UNKL: variants seen among roughly 807,000 people sequenced by gnomAD.
UNKL encodes putative E3 ubiquitin-protein ligase UNKL.
A neutral mutation model predicts 78.0 loss-of-function variants in UNKL; 60 were observed. That is an observed-to-expected ratio of 0.77 (90% confidence interval 0.63 to 0.95). UNKL has a LOEUF of 0.95. UNKL is among the 40% of genes least tolerant of loss of function. The pLI is 0.00. For missense variants in UNKL, 1,159 were observed against 1,045.7 expected (o/e 1.11, Z -1.49); for synonymous variants, 608 against 474.8 (o/e 1.28, Z -3.65).
chr16:1,398,295 C>G (rs1204694903), intron 5 of UNKL: 1 of 998,960 alleles, frequency 1.0e-6, no homozygotes, highest in Non-Finnish European at 1.2e-6. Context: ...ACAAAATCCT[C>G]TACTCTTCGT....
In UNKL at chr16:1,366,303, A is replaced by G. The variant is rs774606731; in HGVS notation, c.2139T>C (p.Cys713=). The G allele has an allele frequency of 3.1e-6, 5 of 1,601,194 alleles. No individual in the cohort carries two copies. The highest frequency in any genetic ancestry group is 2.7e-5 in the African/African-American group (2 of 74,740). ...VLRPCQHHIL[C]EPCAATAPEC... ...CAGGTGCGGTGGCCGCACACGGCTC[A>G]CAGAGGATGTGGTGCTGACAGGGCC... is the stretch of plus-strand genomic sequence containing the variant. The change falls in exon 15 of 15, where the codon TGT becomes TGC. Residue 713 remains cysteine (C), a synonymous_variant. Transcript: ENST00000389221.
intron 10 of UNKL, among the ~76,000 whole-genome samples, chr16:1,372,654 G>A (rs756126904): frequency 5.9e-5 from 9 of 152,216 alleles, no homozygotes; most frequent in Non-Finnish European, 1.3e-4. Flanking sequence ...TTGGGTTGGG[G>A]GTGAGGGGTG....
In UNKL at chr16:1,367,128, C is replaced by T. The variant is rs2035338033; in HGVS notation, c.2010G>A (p.Gln670=). 1.9e-6 allele frequency: 3 copies of T among 1,592,636 alleles called. No individual in the cohort carries two copies. The highest frequency in any genetic ancestry group is 2.7e-5 in the African/African-American group (2 of 74,492). Residue 670 remains glutamine (Q), a synonymous_variant, in exon 14 of 15, where the codon CAG becomes CAA. Coordinates refer to ENST00000389221, the MANE Select transcript of UNKL (RefSeq NM_001372107.1). ...TIPLPKLHSL[Q]SQLRLDLEAV... is the part of the protein sequence containing the mutation. ...CCTCCAGGTCCAGGCGCAGCTGACT[C>T]TGCAGCGAGTGCAGCTTCGGCAGGG... is the stretch of plus-strand genomic sequence containing the variant.
chr16:1,410,191 G>C (rs1035603682), intron 2 of UNKL, among the ~76,000 whole-genome samples: 1 of 151,870 alleles, frequency 6.6e-6, no homozygotes, highest in Admixed American at 6.6e-5. Flanking sequence ...GCTTAAGTCC[G>C]GGAGGTCGAG....
In UNKL at chr16:1,367,137, G is replaced by C. The variant is rs368249862; in HGVS notation, c.2001C>G (p.His667Gln). The change falls in exon 14 of 15, where the codon CAC (histidine) becomes CAG (glutamine). Residue 667 changes from histidine to glutamine, a missense_variant. Transcript: ENST00000389221. ...CCAGGCGCAGCTGACTCTGCAGCGA[G>C]TGCAGCTTCGGCAGGGGAATGGTGC... ...DIGTIPLPKLHSLQSQLRLDL... is the reference protein window; with the variant it reads ...DIGTIPLPKLQSLQSQLRLDL... 1 of 1,597,720 alleles carries C rather than the reference G, an allele frequency of 6.3e-7. No homozygotes were observed. The highest frequency in any genetic ancestry group is 8.5e-7 in the Non-Finnish European group (1 of 1,174,848).
chr16:1,367,509 CCTCCCCCT>C, intron 13 of UNKL, 139 bp downstream of exon 13: 1 of 566,502 alleles, frequency 1.8e-6, no homozygotes, highest in Non-Finnish European at 2.7e-6. Context: ...TCCCTCCCTC[CCTCCCCCT>C]CCCGTCTCAC....
intron 2 of UNKL, chr16:1,406,131 C>CA (rs2037752327): frequency 4.5e-6 from 2 of 445,156 alleles, no homozygotes; most frequent in South Asian, 3.1e-5. Flanking sequence ...AGGACGCAGG[C>CA]ATAGGTGGGG....
rs1273771507 is a variant in UNKL, at chr16:1,365,878, C to A, written c.*362G>T. 1 of 193,552 alleles carries A rather than the reference C, an allele frequency of 5.2e-6. No individual in the cohort carries two copies. The highest frequency in any genetic ancestry group is 1.0e-5 in the Non-Finnish European group (1 of 95,636). 12.0% of individuals were successfully genotyped at this position (193,552 alleles called of 1,614,324 possible). A position where few individuals can be genotyped will look rare whatever the true frequency, so the allele number is the denominator to read the frequency against. On this transcript the variant is annotated 3_prime_UTR_variant, in exon 15 of 15. Coordinates refer to ENST00000389221, the MANE Select transcript of UNKL (RefSeq NM_001372107.1). ...CAAAGTGCTTTGAAAGACCCCAGCT[C>A]CCAGTGGCCTAGTCACAGTAGTGTC...
chr16:1,389,711 AG>A (rs2036964162), intron 9 of UNKL, among the ~76,000 whole-genome samples: 1 of 152,344 alleles, frequency 6.6e-6, no homozygotes, highest in Non-Finnish European at 1.5e-5. Flanking sequence ...GAGGACACGG[AG>A]GAGGCAGCAT....
At position 1,387,842 on chromosome 16, in the gene UNKL, C is replaced by CCCGGGGTCTGCCCAGGT. The variant is rs2036879012; in HGVS notation, c.1087-2474_1087-2458dup. Among the ~76,000 whole-genome samples the CCCGGGGTCTGCCCAGGT allele has an allele frequency of 6.7e-6, 1 of 150,320 alleles. No homozygotes were observed. Among genetic ancestry groups the CCCGGGGTCTGCCCAGGT allele is most frequent in the Non-Finnish European group, 1.5e-5 (1 of 67,528 alleles). ...CATCTCTTGGCAGCCCACCCTGTGT[C>CCCGGGGTCTGCCCAGGT]CCGGGGTCTGCCCAGGTCCGTGCTC... is the stretch of plus-strand genomic sequence containing the variant. On this transcript the variant is annotated intron_variant, in intron 9 of 14. Transcript: ENST00000389221. This position sits in a 1 kb window ranked among gnomAD's most constrained non-coding sequence, Gnocchi z 4.1.
rs1302233730 is a variant in UNKL, at chr16:1,403,010, A to G, written c.464+158T>C. Among the ~76,000 whole-genome samples the G allele has an allele frequency of 6.6e-6, 1 of 152,156 alleles. No homozygotes were observed. Among genetic ancestry groups the G allele is most frequent in the East Asian group, 1.9e-4 (1 of 5,186 alleles). On this transcript the variant is annotated intron_variant, in intron 3 of 14. Transcript: ENST00000389221. This position sits in a 1 kb window ranked among gnomAD's most constrained non-coding sequence, Gnocchi z 4.8. ...CCGTCTCAAAAAAAGCAAAAAAAGG[A>G]CTAACATCCAGACTCAGAAAGAAAT...
At chr16:1,395,928 C>A in intron 6 of UNKL, 1 of 372,418 alleles carries the variant, frequency 2.7e-6, no homozygotes, top group South Asian at 1.9e-5. Flanking sequence ...AGCCCCTGCA[C>A]GCCTCCCCCT....
In UNKL at chr16:1,393,951, C is replaced by T. The variant is rs565307176; in HGVS notation, c.937+180G>A. On this transcript the variant is annotated intron_variant, in intron 7 of 14. Transcript: ENST00000389221. ...GGAGGGAGCCCAGCCTCACATGGCA[C>T]AAACACCCCAGGGAGCCTCCACGGG... is the stretch of plus-strand genomic sequence containing the variant. Among the ~76,000 whole-genome samples, 8 of 152,302 alleles carry T rather than the reference C, an allele frequency of 5.3e-5. No individual in the cohort carries two copies. The East Asian group carries it at 1.4e-3, about 26-fold the overall frequency.
At chr16:1,392,370 G>A (rs979420740) in intron 8 of UNKL, among the ~76,000 whole-genome samples, 2 of 152,106 alleles carry the variant, frequency 1.3e-5, no homozygotes, top group Non-Finnish European at 2.9e-5. Flanking sequence ...CCTCACTGAA[G>A]TTGCTCTTAC....
At chr16:1,402,662 C>T (rs1216061757) in intron 3 of UNKL, among the ~76,000 whole-genome samples, 1 of 148,710 alleles carries the variant, frequency 6.7e-6, no homozygotes, top group Non-Finnish European at 1.5e-5. Context: ...GATTCCATCT[C>T]AAAAAACAAA....
intron 12 of UNKL, 39 bp downstream of exon 12, chr16:1,370,091 C>A (rs1373793202): frequency 6.5e-7 from 1 of 1,543,800 alleles, no homozygotes; most frequent in Admixed American, 2.0e-5. Flanking sequence ...CCCACGGAGG[C>A]TTCACGGCAA....
Position 1,399,603 on chromosome 16 carries a change from A to G in UNKL, c.599-94T>C, listed in dbSNP as rs1330652601. 6.6e-7 allele frequency: 1 copy of G among 1,517,944 alleles called. No individual in the cohort carries two copies. The highest frequency in any genetic ancestry group is 8.8e-7 in the Non-Finnish European group (1 of 1,132,412). 94.0% of individuals were successfully genotyped at this position (1,517,944 alleles called of 1,614,324 possible). ...GTGGAAGGACCTGGCTGTCCCCCAA[A>G]TGGAAGGGGCTGCAGGAGGACTTGG... On this transcript the variant is annotated intron_variant, in intron 4 of 14. Transcript: ENST00000389221. This position sits in a 1 kb window ranked among gnomAD's most constrained non-coding sequence, Gnocchi z 5.8.
rs188768471 is a variant in UNKL at position 1,370,627 on chromosome 16, C to A, written c.1358-270G>T. 1.2e-4 allele frequency among the ~76,000 whole-genome samples: 19 copies of A among 152,324 alleles called. No individual in the cohort carries two copies. In the South Asian group the frequency reaches 3.1e-3, roughly 25 times the overall value. The stretch of plus-strand genomic sequence containing the variant: ...GACGGGGGTTTAACATGGGCCCCCC[C>A]CAAAGAGGCCGGACACCCACCAGGC... On this transcript the variant is annotated intron_variant, in intron 11 of 14. Transcript: ENST00000389221.
intron 5 of UNKL, chr16:1,398,923 C>T (rs2037394093): frequency 1.9e-6 from 3 of 1,556,776 alleles, no homozygotes; most frequent in East Asian, 2.4e-5. Context: ...GCCTAAGGAC[C>T]CGGCGTCCCA....
Sources: gnomAD v4.1 joint callset for allele counts (sites outside exome capture counted in the v4.1 genomes callset) on GRCh38, gnomAD v4.1.1 for gene constraint, Gnocchi (gnomAD v3.1) non-coding constraint, MANE v1.5 for transcripts, NCBI Gene and HGNC (gene_info 2026-07-23, HGNC 2026-07-21) for gene names.